RHOT1: variants seen among roughly 807,000 people sequenced by gnomAD.
The protein encoded by RHOT1 is mitochondrial Rho GTPase 1.
In RHOT1, 27 loss-of-function variants were observed where a neutral mutation model predicts 95.3. That is an observed-to-expected ratio of 0.28 (90% CI 0.21 to 0.39). RHOT1 has a LOEUF of 0.39. Among genes scored for constraint, RHOT1 ranks in the 10% least tolerant of loss-of-function variants. RHOT1 has a pLI of 1.00. For synonymous variants in RHOT1, 227 were observed against 263.5 expected, an observed-to-expected ratio of 0.86 and a Z score of 1.34; for missense variants, 578 against 786.7, an observed-to-expected ratio of 0.73 and a Z score of 3.17.
Position 32,223,499 on chromosome 17 carries a change from C to T in RHOT1, c.1863-1117C>T, listed in dbSNP as rs189969795. ...GCACCGTGTCGGCTCACTGCAAACT[C>T]CGTCTTCTAGGTTCAAGCAATTCTC... is the stretch of plus-strand genomic sequence containing the variant. On this transcript the variant is annotated intron_variant, in intron 19 of 19. Transcript: ENST00000545287. Among the ~76,000 whole-genome samples, 1,283 of 151,602 alleles carry T rather than the reference C, an allele frequency of 8.5e-3. 12 individuals carry two copies. Among genetic ancestry groups the T allele is most frequent in the Non-Finnish European group, 0.013 (896 of 67,902 alleles).
intron 11 of RHOT1, among the ~76,000 whole-genome samples, chr17:32,196,930 T>C (rs1262812147): frequency 2.0e-5 from 3 of 151,990 alleles, no homozygotes; most frequent in Non-Finnish European, 4.4e-5. Flanking sequence ...GAGACCAGCC[T>C]GGCCAACATG....
chr17:32,146,049 C>T (rs183651346), intron 1 of RHOT1, among the ~76,000 whole-genome samples: 1 of 152,304 alleles, frequency 6.6e-6, no homozygotes, highest in Non-Finnish European at 1.5e-5. Context: ...GTGATTTCTA[C>T]TTTCACTTAG....
At chr17:32,163,758 A>G (rs982489041) in intron 1 of RHOT1, among the ~76,000 whole-genome samples, 2 of 152,092 alleles carry the variant, frequency 1.3e-5, no homozygotes, top group Admixed American at 1.3e-4. Context: ...AAAAAAAACA[A>G]AGAATGTTAA....
At chr17:32,176,799 G>A (rs1466955182) in intron 6 of RHOT1, among the ~76,000 whole-genome samples, 1 of 152,032 alleles carries the variant, frequency 6.6e-6, no homozygotes, top group Non-Finnish European at 1.5e-5. Flanking sequence ...TCGAACTCAT[G>A]ACCTCAAATG....
chr17:32,145,441 A>G (rs1368261402), intron 1 of RHOT1, among the ~76,000 whole-genome samples: 2 of 152,166 alleles, frequency 1.3e-5, no homozygotes, highest in African/African-American at 4.8e-5. Context: ...TTCTTTTAAA[A>G]TGAATCTGGC....
At chr17:32,216,508 G>C (rs767893868) in intron 19 of RHOT1, among the ~76,000 whole-genome samples, 3 of 152,032 alleles carry the variant, frequency 2.0e-5, no homozygotes, top group African/African-American at 7.2e-5. Flanking sequence ...AGTTCACACC[G>C]AATATTTACA....
At chr17:32,158,674 G>A (rs1187705264) in intron 1 of RHOT1, among the ~76,000 whole-genome samples, 2 of 151,858 alleles carry the variant, frequency 1.3e-5, no homozygotes, top group African/African-American at 4.8e-5. Flanking sequence ...TGGCCAGGCT[G>A]GTCTTGATCT....
chr17:32,219,943 A>C (rs2038722182), intron 19 of RHOT1, among the ~76,000 whole-genome samples: 3 of 152,262 alleles, frequency 2.0e-5, no homozygotes, highest in Admixed American at 2.0e-4. Context: ...AGGTTAGAAA[A>C]AAAACCTTTA....
intron 10 of RHOT1, 135 bp from the exon 11 acceptor site, chr17:32,193,852 A>G: frequency 9.3e-7 from 1 of 1,080,112 alleles, no homozygotes. Flanking sequence ...GATACTTGTG[A>G]ATTTTGTTTT....
intron 19 of RHOT1, among the ~76,000 whole-genome samples, chr17:32,217,899 G>A (rs953851071): frequency 1.1e-4 from 16 of 151,306 alleles, no homozygotes; most frequent in African/African-American, 3.2e-4. Context: ...ATCTCACTCT[G>A]TTGCCCAGGC....
intron 1 of RHOT1, chr17:32,150,990 T>G: frequency 6.5e-7 from 1 of 1,539,664 alleles, no homozygotes; most frequent in Non-Finnish European, 8.8e-7. Flanking sequence ...TGCTTCAATT[T>G]GAATCGCCGG....
intron 1 of RHOT1, among the ~76,000 whole-genome samples, chr17:32,149,635 A>ATATATATATATATGTGTG (rs1445281403): frequency 1.0e-4 from 6 of 59,092 alleles, no homozygotes; most frequent in Non-Finnish European, 1.7e-4. Context: ...ATATATATAT[A>ATATATATATATATGTGTG]TGTGTGTGTG....
intron 14 of RHOT1, 88 bp downstream of exon 14, chr17:32,201,144 A>G (rs2037287550): frequency 2.8e-6 from 2 of 719,818 alleles, no homozygotes; most frequent in South Asian, 1.8e-5. Context: ...GAATACACTC[A>G]TCTTCATTAG....
In RHOT1 at chr17:32,202,840, T is replaced by C. The variant is rs552819405; in HGVS notation, c.1272T>C (p.Ile424=). Residue 424 remains isoleucine (I), a synonymous_variant, in exon 15 of 20, where the codon ATT becomes ATC. Transcript: ENST00000545287. ...TQRNVFRCNV[I]GVKNCGKSGV... ...GAAATGTGTTCAGATGTAATGTAAT[T>C]GGAGTGAAAAACTGTGGGAAAAGTG... 6.2e-7 allele frequency: 1 copy of C among 1,613,026 alleles called. No individual in the cohort carries two copies. Among genetic ancestry groups the C allele is most frequent in the Non-Finnish European group, 8.5e-7 (1 of 1,179,286 alleles).
At chr17:32,176,051 A>G in intron 5 of RHOT1, 36 bp downstream of exon 5, 2 of 1,587,398 alleles carry the variant, frequency 1.3e-6, no homozygotes, top group Non-Finnish European at 1.7e-6. Flanking sequence ...AGTTGGTTTC[A>G]GTGGAGTGCT....
At chr17:32,221,895 G>A (rs1213416928) in intron 19 of RHOT1, among the ~76,000 whole-genome samples, 1 of 152,118 alleles carries the variant, frequency 6.6e-6, no homozygotes, top group African/African-American at 2.4e-5. Context: ...GAGCTCAGGA[G>A]TTCAAGACCA....
chr17:32,151,881 C>CAAAAA (rs60313146), intron 1 of RHOT1, among the ~76,000 whole-genome samples: 2 of 60,816 alleles, frequency 3.3e-5, no homozygotes, highest in Non-Finnish European at 7.5e-5. Flanking sequence ...GACTCCGTCT[C>CAAAAA]AAAAAAAAAA....
intron 1 of RHOT1, among the ~76,000 whole-genome samples, chr17:32,156,049 G>A (rs1157304623): frequency 1.3e-5 from 2 of 152,184 alleles, no homozygotes; most frequent in Non-Finnish European, 2.9e-5. Flanking sequence ...CATGATAAAT[G>A]TAGTTATTTA....
intron 11 of RHOT1, among the ~76,000 whole-genome samples, chr17:32,197,410 CTTTTTTCTTA>C (rs2036972772): frequency 1.4e-5 from 2 of 146,044 alleles, no homozygotes; most frequent in Admixed American, 1.4e-4. Flanking sequence ...CTTTTTTCTT[CTTTTTTCTTA>C]TTTTTTTATT....
Sources: allele counts gnomAD v4.1 joint callset (sites outside exome capture counted in the v4.1 genomes callset), GRCh38; gene constraint gnomAD v4.1.1; transcripts MANE v1.5; gene names NCBI Gene and HGNC (gene_info 2026-07-23, HGNC 2026-07-21).